Variants in MCCC2 observed in about 807,000 individuals in gnomAD.
MCCC2 encodes methylcrotonyl-CoA carboxylase subunit 2, also known as methylcrotonoyl-CoA carboxylase beta chain, mitochondrial.
MCCC2 carries 52 observed loss-of-function variants against 77.2 expected under a neutral mutation model. The ratio of observed to expected loss-of-function variants is 0.67; its 90% CI spans 0.54 to 0.85. The LOEUF (loss-of-function observed/expected upper bound fraction) is 0.85, where lower values mean the gene tolerates loss of function less well. MCCC2 is among the 40% of genes least tolerant of loss of function. The pLI, the probability that MCCC2 is intolerant of heterozygous loss-of-function variation, is 0.00. For synonymous variants in MCCC2, 253 were observed against 248.4 expected, an observed-to-expected ratio of 1.02 and a Z score of -0.18; for missense variants, 682 against 703.2, an observed-to-expected ratio of 0.97 and a Z score of 0.34.
intron 8 of MCCC2, among the ~76,000 whole-genome samples, chr5:71,633,091 TTA>T (rs137979624): frequency 0.027 from 2,283 of 83,718 alleles, 43 homozygotes; most frequent in Non-Finnish European, 0.034. Context: ...TTTTTCAGTT[TTA>T]TATATATATA....
intron 7 of MCCC2, among the ~76,000 whole-genome samples, chr5:71,631,447 G>C (rs901768630): frequency 1.3e-5 from 2 of 152,132 alleles, no homozygotes; most frequent in African/African-American, 4.8e-5. Flanking sequence ...CCCAGGCAGT[G>C]GGAGGAACAC....
At chr5:71,617,973 G>A (rs1580302488) in intron 6 of MCCC2, among the ~76,000 whole-genome samples, 1 of 152,104 alleles carries the variant, frequency 6.6e-6, no homozygotes, top group South Asian at 2.1e-4. Flanking sequence ...GTTCTCTTCT[G>A]TTTCATCTTT....
Position 71,631,579 on chromosome 5 carries a change from C to T in MCCC2, c.739-542C>T, listed in dbSNP as rs577792364. Among the ~76,000 whole-genome samples, 872 of 145,150 alleles carry T rather than the reference C, an allele frequency of 6.0e-3. 8 individuals carry two copies. The highest frequency in any genetic ancestry group is 0.021 in the African/African-American group (833 of 39,126). On this transcript the variant is annotated intron_variant, in intron 7 of 16. Coordinates refer to ENST00000340941, the MANE Select transcript of MCCC2 (RefSeq NM_022132.5). ...TTTTTGAGACGGAGTCTCGCTCTGT[C>T]GCCCAGGCCGGACTGCAGTGGCGCA... is the stretch of plus-strand genomic sequence containing the variant.
intron 12 of MCCC2, 148 bp from the exon 13 acceptor site, chr5:71,646,063 T>TA (rs1463373089): frequency 1.2e-3 from 560 of 483,728 alleles, no homozygotes; most frequent in East Asian, 7.8e-3. Context: ...CCATGTTTCT[T>TA]TAAAAAAAAA....
At chr5:71,590,097 G>A (rs180784303) in intron 1 of MCCC2, among the ~76,000 whole-genome samples, 31 of 145,534 alleles carry the variant, frequency 2.1e-4, no homozygotes, top group East Asian at 1.3e-3. Context: ...ATGTTGTTTC[G>A]CAGGTGATTA....
intron 15 of MCCC2, among the ~76,000 whole-genome samples, chr5:71,651,835 C>T (rs1158767965): frequency 6.6e-6 from 1 of 152,126 alleles, no homozygotes; most frequent in Admixed American, 6.6e-5. Context: ...ATGTCTGAAA[C>T]TCTATGAAGC....
chr5:71,616,886 A>G (rs935955150), intron 6 of MCCC2, among the ~76,000 whole-genome samples: 1 of 152,168 alleles, frequency 6.6e-6, no homozygotes, highest in African/African-American at 2.4e-5. Context: ...TGTTCCTACT[A>G]TCACCCCCAG....
chr5:71,644,460 TTTA>T (rs1029716521), intron 12 of MCCC2, among the ~76,000 whole-genome samples: 2 of 152,084 alleles, frequency 1.3e-5, no homozygotes, highest in South Asian at 4.1e-4. Context: ...GTTCTTTTTA[TTTA>T]TTATTATTAT....
chr5:71,612,952 C>T (rs1243622545), intron 6 of MCCC2, among the ~76,000 whole-genome samples: 1 of 152,206 alleles, frequency 6.6e-6, no homozygotes, highest in Non-Finnish European at 1.5e-5. Context: ...GGCTGTGCTT[C>T]CAGGGGACAT....
Position 71,657,041 on chromosome 5 carries a change from A to C in MCCC2, c.*181A>C. ...TATTTAATGAACATCAATTCCTTTT[A>C]AATTTTCTTAGAGAAATTTCTCTGT... On this transcript the variant is annotated 3_prime_UTR_variant, in exon 17 of 17. Transcript: ENST00000340941. The C allele has an allele frequency of 1.8e-6, 1 of 548,212 alleles. No individual in the cohort carries two copies. The highest frequency in any genetic ancestry group is 3.3e-6 in the Non-Finnish European group (1 of 306,446). The allele number at this position is 548,212 out of a possible 1,614,324, so 34.0% of individuals were successfully genotyped here. A position where few individuals can be genotyped will look rare whatever the true frequency, so the allele number is the denominator to read the frequency against.
rs142746634 is a variant in MCCC2, at chr5:71,649,018, C to T, written c.1217-79C>T. 2.8e-4 allele frequency: 433 copies of T among 1,520,624 alleles called. 4 individuals carry two copies. In the African/African-American group the frequency reaches 5.4e-3, roughly 19 times the overall value. 94.2% of individuals were successfully genotyped at this position (1,520,624 alleles called of 1,614,324 possible). On this transcript the variant is annotated intron_variant, in intron 13 of 16. Transcript: ENST00000340941. Reference sequence around the variant, plus strand: ...ATTTAGTAAGATGAGTTTAGTAAAACAAGATGTCCTTTTGGTGGAATTGCG... The same window carrying T: ...ATTTAGTAAGATGAGTTTAGTAAAATAAGATGTCCTTTTGGTGGAATTGCG...
chr5:71,634,849 G>A, intron 8 of MCCC2, 94 bp from the exon 9 acceptor site: 9 of 1,122,828 alleles, frequency 8.0e-6, no homozygotes, highest in Non-Finnish European at 1.2e-5. Flanking sequence ...TAAAAGTGCT[G>A]TCATCTTTAG....
At chr5:71,622,280 A>C (rs577281467) in intron 6 of MCCC2, among the ~76,000 whole-genome samples, 2 of 151,872 alleles carry the variant, frequency 1.3e-5, no homozygotes, top group South Asian at 2.1e-4. Flanking sequence ...TAAAAAAAAA[A>C]CAAAACAAAA....
chr5:71,653,534 A>T (rs1747496796), intron 16 of MCCC2, among the ~76,000 whole-genome samples: 1 of 149,690 alleles, frequency 6.7e-6, no homozygotes, highest in Non-Finnish European at 1.5e-5. Context: ...GGCGAAGGCA[A>T]ACTGGAGAGG....
chr5:71,604,305 T>C lies in MCCC2; in HGVS notation c.512-51T>C, dbSNP rs773862137. The C allele has an allele frequency of 3.4e-6, 5 of 1,467,308 alleles. No individual in the cohort carries two copies. The Admixed American group carries it at 8.4e-5, about 25-fold the overall frequency. The allele number at this position is 1,467,308 out of a possible 1,614,324, so 90.9% of individuals were successfully genotyped here. On this transcript the variant is annotated intron_variant, in intron 5 of 16. Coordinates refer to ENST00000340941, the MANE Select transcript of MCCC2 (RefSeq NM_022132.5). Reference sequence around the variant, plus strand: ...TCATTGATACAAGTTTCCCTCTGCGTAGCACATTTAGTTCATAGAGATGCT... The same window carrying C: ...TCATTGATACAAGTTTCCCTCTGCGCAGCACATTTAGTTCATAGAGATGCT...
rs1293532192 is a variant in MCCC2 at position 71,618,511 on chromosome 5, T to TCCTG, written c.625-8126_625-8125insGCCT. Among the ~76,000 whole-genome samples the TCCTG allele has an allele frequency of 2.1e-3, 145 of 68,470 alleles. 1 individual carries two copies. Among genetic ancestry groups the TCCTG allele is most frequent in the African/African-American group, 6.3e-3 (136 of 21,452 alleles). The allele number at this position is 68,470 out of a possible 152,430, so 44.9% of individuals were successfully genotyped here. On this transcript the variant is annotated intron_variant, in intron 6 of 16. Coordinates refer to ENST00000340941, the MANE Select transcript of MCCC2 (RefSeq NM_022132.5). ...CTTCTTCCTTCCTTCCTTCCTTCCTTCCTTCCTTCCTTCCTTCCTTCCTTC... is the reference window on the plus strand; with the variant it reads ...CTTCTTCCTTCCTTCCTTCCTTCCTTCCTGCCTTCCTTCCTTCCTTCCTTCCTTC...
At chr5:71,651,315 G>A (rs561988109) in intron 15 of MCCC2, among the ~76,000 whole-genome samples, 1 of 152,164 alleles carries the variant, frequency 6.6e-6, no homozygotes, top group South Asian at 2.1e-4. Context: ...TATAAATGAA[G>A]AAAAATGGAA....
chr5:71,655,927 G>A (rs1164216370), intron 16 of MCCC2, among the ~76,000 whole-genome samples: 1 of 152,078 alleles, frequency 6.6e-6, no homozygotes, highest in African/African-American at 2.4e-5. Flanking sequence ...AAAATGTACT[G>A]AAGCTGGCCG....
chr5:71,595,428 CAA>C (rs56048450), intron 2 of MCCC2, among the ~76,000 whole-genome samples: 5 of 115,198 alleles, frequency 4.3e-5, no homozygotes, highest in Non-Finnish European at 5.2e-5. Flanking sequence ...GATCTTGTCT[CAA>C]AAAAAAAAAA....
Sources: allele counts gnomAD v4.1 joint callset (sites outside exome capture counted in the v4.1 genomes callset), GRCh38; gene constraint gnomAD v4.1.1; transcripts MANE v1.5; gene names NCBI Gene and HGNC (gene_info 2026-07-23, HGNC 2026-07-21).